The following CDH18 variants were observed in gnomAD, a reference collection of about 807,000 sequenced individuals.
The protein encoded by CDH18 is cadherin-18.
Under a neutral mutation model 67.9 loss-of-function variants are expected in CDH18, and 31 were observed. That is an observed-to-expected ratio of 0.46 (90% CI 0.34 to 0.62). The LOEUF (loss-of-function observed/expected upper bound fraction) is 0.62, where lower values mean the gene tolerates loss of function less well. CDH18 is among the 20% of genes least tolerant of loss of function. The pLI is 0.01. For missense variants in CDH18, 890 were observed against 975.5 expected (o/e 0.91, Z 1.17); for synonymous variants, 362 against 347.2 (o/e 1.04, Z -0.48).
chr5:20,289,889 T>G (rs766397597), intron 1 of CDH18, among the ~76,000 whole-genome samples: 5 of 152,008 alleles, frequency 3.3e-5, no homozygotes, highest in Non-Finnish European at 5.9e-5. Flanking sequence ...GACAGAAATA[T>G]GTAGATAGCT....
chr5:20,187,904 T>C (rs1277265850), intron 2 of CDH18, among the ~76,000 whole-genome samples: 1 of 151,766 alleles, frequency 6.6e-6, no homozygotes, highest in African/African-American at 2.4e-5. Flanking sequence ...CCAAAGCTTA[T>C]TTGAACATAT....
At position 20,478,289 on chromosome 5, in the gene CDH18, A is replaced by G. The variant is rs747840242; in HGVS notation, c.-580+97173T>C. Among the ~76,000 whole-genome samples, 3 of 152,038 alleles carry G rather than the reference A, an allele frequency of 2.0e-5. No homozygotes were observed. The South Asian group carries it at 6.2e-4, about 32-fold the overall frequency. ...CTTGGCCATAGTGGGGGAGAGCACA[A>G]AGTTGGCTCCTGGGGTCCCCAATTC... On this transcript the variant is annotated intron_variant, in intron 1 of 14. Coordinates refer to the CDH18 transcript ENST00000507958.
chr5:20,484,615 A>G (rs1166613736), intron 1 of CDH18, among the ~76,000 whole-genome samples: 5 of 152,038 alleles, frequency 3.3e-5, no homozygotes, highest in African/African-American at 1.2e-4. Context: ...AAGAATGATG[A>G]CCTGTCATTT....
chr5:19,607,626 A>G (rs1748267999), intron 6 of CDH18, among the ~76,000 whole-genome samples: 1 of 151,550 alleles, frequency 6.6e-6, no homozygotes, highest in Non-Finnish European at 1.5e-5. Context: ...AAATGAAACT[A>G]TATCAGTAAT....
At chr5:19,832,330 C>A (rs932723832) in intron 3 of CDH18, among the ~76,000 whole-genome samples, 1 of 151,924 alleles carries the variant, frequency 6.6e-6, no homozygotes, top group Non-Finnish European at 1.5e-5. Context: ...ACAAAAATTT[C>A]AATCGAGTTC....
intron 2 of CDH18, among the ~76,000 whole-genome samples, chr5:19,888,670 T>C (rs1911852): frequency 0.5 from 75,625 of 151,914 alleles, 18,976 homozygotes; most frequent in Middle Eastern, 0.65. Flanking sequence ...TCTGTGCAAT[T>C]GTTTATGTGC....
At chr5:19,503,399 T>C (rs1743588419) in intron 10 of CDH18, among the ~76,000 whole-genome samples, 1 of 152,120 alleles carries the variant, frequency 6.6e-6, no homozygotes. Flanking sequence ...TGGGGTCAAT[T>C]AGATGCAATG....
intron 2 of CDH18, among the ~76,000 whole-genome samples, chr5:20,088,132 G>A (rs1198112211): frequency 1.3e-5 from 2 of 152,176 alleles, no homozygotes; most frequent in African/African-American, 4.8e-5. Flanking sequence ...CAGTTCAAGG[G>A]ATAGTGAATA....
intron 7 of CDH18, among the ~76,000 whole-genome samples, chr5:19,590,642 A>G (rs1381200532): frequency 3.3e-5 from 5 of 152,126 alleles, no homozygotes; most frequent in African/African-American, 1.2e-4. Context: ...ACATTTTAAA[A>G]TGGCAAATAT....
At chr5:20,401,934 G>A (rs987344088) in intron 1 of CDH18, among the ~76,000 whole-genome samples, 2 of 152,026 alleles carry the variant, frequency 1.3e-5, no homozygotes, top group African/African-American at 4.8e-5. Flanking sequence ...TACTAAAAGT[G>A]AAATGCCCAA....
intron 2 of CDH18, among the ~76,000 whole-genome samples, chr5:20,157,435 ATTTTT>A (rs895284537): frequency 1.3e-5 from 2 of 151,982 alleles, no homozygotes; most frequent in African/African-American, 4.8e-5. Context: ...AAGCTATTTT[ATTTTT>A]TTATTTATTT....
chr5:19,723,286 A>G (rs1245921520), intron 4 of CDH18, among the ~76,000 whole-genome samples: 1 of 152,138 alleles, frequency 6.6e-6, no homozygotes, highest in Non-Finnish European at 1.5e-5. Flanking sequence ...AAAAAGAAAG[A>G]AAATTTGTAC....
At chr5:19,985,069 A>T (rs902059864) in intron 1 of CDH18, among the ~76,000 whole-genome samples, 2 of 152,144 alleles carry the variant, frequency 1.3e-5, no homozygotes, top group African/African-American at 4.8e-5. Context: ...AAGAAAATTA[A>T]AGTGAAATTT....
intron 2 of CDH18, among the ~76,000 whole-genome samples, chr5:20,081,421 A>C (rs74996600): frequency 6.6e-6 from 1 of 152,176 alleles, no homozygotes; most frequent in African/African-American, 2.4e-5. Flanking sequence ...TGATTTTGCC[A>C]TTCAACCCAG....
intron 5 of CDH18, among the ~76,000 whole-genome samples, chr5:19,689,703 G>T (rs1349782511): frequency 6.6e-6 from 1 of 151,584 alleles, no homozygotes; most frequent in Non-Finnish European, 1.5e-5. Context: ...AAGAATGAAA[G>T]AAACAAAAGA....
At chr5:19,887,914 A>ATTT (rs1025050672) in intron 2 of CDH18, among the ~76,000 whole-genome samples, 27 of 151,860 alleles carry the variant, frequency 1.8e-4, no homozygotes, top group African/African-American at 4.8e-4. Context: ...TCATGGTTCA[A>ATTT]TTTTTTTGAA....
chr5:19,809,626 T>C (rs576126998), intron 3 of CDH18, among the ~76,000 whole-genome samples: 5 of 152,298 alleles, frequency 3.3e-5, no homozygotes, highest in Admixed American at 6.5e-5. Context: ...ATATGAGAAA[T>C]TGAAACTCAA....
intron 10 of CDH18, among the ~76,000 whole-genome samples, chr5:19,505,494 C>A (rs1388551577): frequency 6.6e-6 from 1 of 152,114 alleles, no homozygotes; most frequent in East Asian, 1.9e-4. Context: ...TACATCCCAT[C>A]AATACCTAAT....
At chr5:20,542,596 T>G (rs2126593828) in intron 1 of CDH18, among the ~76,000 whole-genome samples, 1 of 152,102 alleles carries the variant, frequency 6.6e-6, no homozygotes, top group East Asian at 1.9e-4. Context: ...GTTGCATTTC[T>G]ATACAAATTT....
Sources: allele counts gnomAD v4.1 joint callset (sites outside exome capture counted in the v4.1 genomes callset), GRCh38; gene constraint gnomAD v4.1.1; transcripts MANE v1.5; gene names NCBI Gene and HGNC (gene_info 2026-07-23, HGNC 2026-07-21).